The following LRP1B variants were observed in gnomAD, a reference collection of about 807,000 sequenced individuals.
LRP1B encodes the protein low-density lipoprotein receptor-related protein 1B.
LRP1B carries 217 observed loss-of-function variants against 556.6 expected under a neutral mutation model. That is an observed-to-expected ratio of 0.39 (90% CI 0.35 to 0.44). LRP1B has a LOEUF of 0.44. Ranked by LOEUF, LRP1B falls within the 20% of genes least tolerant of loss-of-function variation. The pLI, the probability that LRP1B is intolerant of heterozygous loss-of-function variation, is 1.00. For missense variants in LRP1B, 5,053 were observed against 5,620.8 expected (o/e 0.90, Z 3.23); for synonymous variants, 2,047 against 1,865.8 (o/e 1.10, Z -2.50).
At chr2:141,408,563 C>A (rs543196973) in intron 3 of LRP1B, among the ~76,000 whole-genome samples, 2 of 152,074 alleles carry the variant, frequency 1.3e-5, no homozygotes, top group East Asian at 3.9e-4. Context: ...AAAAATATTT[C>A]TCTAGAAATA....
intron 1 of LRP1B, among the ~76,000 whole-genome samples, chr2:142,100,535 C>T (rs987890438): frequency 2.6e-5 from 4 of 151,894 alleles, no homozygotes; most frequent in African/African-American, 9.7e-5. Context: ...TGACTGAAAT[C>T]AATTAATGCT....
intron 1 of LRP1B, among the ~76,000 whole-genome samples, chr2:141,871,614 G>A (rs1698589634): frequency 6.6e-6 from 1 of 151,956 alleles, no homozygotes; most frequent in African/African-American, 2.4e-5. Flanking sequence ...CAATCCCTGT[G>A]TTTGGCACAT....
At chr2:140,997,437 G>A (rs1425037636) in intron 15 of LRP1B, among the ~76,000 whole-genome samples, 1 of 151,614 alleles carries the variant, frequency 6.6e-6, no homozygotes, top group African/African-American at 2.4e-5. Flanking sequence ...CTCAGCTTCT[G>A]GACTCAAGAC....
intron 2 of LRP1B, among the ~76,000 whole-genome samples, chr2:141,632,318 A>G (rs933928356): frequency 4.6e-5 from 7 of 152,130 alleles, no homozygotes; most frequent in African/African-American, 7.2e-5. Flanking sequence ...GATATTTCCA[A>G]TTCCCTACCC....
chr2:140,854,769 A>G lies in LRP1B; in HGVS notation c.4580-2986T>C, dbSNP rs117917290. On this transcript the variant is annotated intron_variant, in intron 27 of 90. Transcript: ENST00000389484. ...ATTGAACAGCTTCAATAAAAACCAC[A>G]TGGCCCACAAAGCCTTATAATATGT... is the stretch of plus-strand genomic sequence containing the variant. 6.5e-4 allele frequency among the ~76,000 whole-genome samples: 99 copies of G among 152,314 alleles called. No homozygotes were observed. In the East Asian group the frequency reaches 0.015, roughly 24 times the overall value.
intron 1 of LRP1B, among the ~76,000 whole-genome samples, chr2:141,963,628 G>C (rs993161099): frequency 6.6e-6 from 1 of 151,518 alleles, no homozygotes; most frequent in Non-Finnish European, 1.5e-5. Context: ...CAAACCCACA[G>C]CCAACATCAT....
chr2:141,493,615 G>C (rs1483934260), intron 2 of LRP1B, among the ~76,000 whole-genome samples: 1 of 152,172 alleles, frequency 6.6e-6, no homozygotes, highest in Non-Finnish European at 1.5e-5. Flanking sequence ...CAGGCTGACA[G>C]GCAAATAGGT....
At chr2:141,663,925 A>G (rs1445237791) in intron 2 of LRP1B, among the ~76,000 whole-genome samples, 1 of 151,568 alleles carries the variant, frequency 6.6e-6, no homozygotes, top group African/African-American at 2.4e-5. Context: ...TACATCAAAA[A>G]AAAAAAAAAA....
At position 140,378,420 on chromosome 2, in the gene LRP1B, G is replaced by GA. The variant is rs550095349; in HGVS notation, c.10532-135dup. The stretch of plus-strand genomic sequence containing the variant: ...CAGACAGAACCAATATATTGTTTAG[G>GA]AAAAATCTCATGAAGCATCTATGGT... On this transcript the variant is annotated intron_variant, in intron 67 of 90. Transcript: ENST00000389484. The GA allele has an allele frequency of 3.4e-4, 189 of 563,018 alleles. 2 individuals carry two copies. The South Asian group carries it at 5.0e-3, about 15-fold the overall frequency. The allele number at this position is 563,018 out of a possible 1,614,324, so 34.9% of individuals were successfully genotyped here.
rs76880790 is a variant in LRP1B at position 140,677,310 on chromosome 2, A to T, written c.6799+22940T>A. On this transcript the variant is annotated intron_variant, in intron 41 of 90. Coordinates refer to ENST00000389484, the MANE Select transcript of LRP1B (RefSeq NM_018557.3). The stretch of plus-strand genomic sequence containing the variant: ...GAGTGAAAAGAGTCAGTGGGTATAG[A>T]TTACTTGTTCAACCTTGGTGGCAAT... 5.3e-3 allele frequency among the ~76,000 whole-genome samples: 810 copies of T among 152,312 alleles called. 7 individuals are homozygous for T. Among genetic ancestry groups the T allele is most frequent in the African/African-American group, 0.018 (762 of 41,562 alleles).
chr2:141,576,663 A>G (rs1159355652), intron 2 of LRP1B, among the ~76,000 whole-genome samples: 3 of 151,282 alleles, frequency 2.0e-5, no homozygotes, highest in Non-Finnish European at 4.4e-5. Context: ...CTGAGGAGAG[A>G]GAAAACCTTG....
At chr2:140,745,340 A>ATT (rs1688280573) in intron 35 of LRP1B, among the ~76,000 whole-genome samples, 1 of 152,168 alleles carries the variant, frequency 6.6e-6, no homozygotes, top group Non-Finnish European at 1.5e-5. Context: ...GTCAATTTCT[A>ATT]TTACTCAAAT....
intron 1 of LRP1B, among the ~76,000 whole-genome samples, chr2:142,069,466 C>T (rs1705231875): frequency 7.7e-6 from 1 of 129,540 alleles, no homozygotes; most frequent in South Asian, 2.8e-4. Context: ...TCCAAAGAGA[C>T]CTGACCAACA....
intron 2 of LRP1B, among the ~76,000 whole-genome samples, chr2:141,747,077 G>C (rs899559377): frequency 1.3e-5 from 2 of 152,182 alleles, no homozygotes; most frequent in African/African-American, 2.4e-5. Flanking sequence ...GCACAGCTGA[G>C]TCAGGCTAGA....
intron 55 of LRP1B, among the ~76,000 whole-genome samples, chr2:140,500,893 T>C (rs1204230120): frequency 6.6e-6 from 1 of 151,994 alleles, no homozygotes; most frequent in African/African-American, 2.4e-5. Context: ...CTGCCTGTGT[T>C]GTTTATACTA....
chr2:141,838,777 A>G (rs529173215), intron 1 of LRP1B, among the ~76,000 whole-genome samples: 1 of 152,332 alleles, frequency 6.6e-6, no homozygotes, highest in Non-Finnish European at 1.5e-5. Flanking sequence ...ACTCTTCAAA[A>G]GCATATAAAA....
chr2:140,565,184 TTA>T (rs1681079815), intron 43 of LRP1B, among the ~76,000 whole-genome samples: 2 of 150,904 alleles, frequency 1.3e-5, no homozygotes, highest in South Asian at 4.1e-4. Flanking sequence ...ATATTTTATT[TTA>T]TGACATATAT....
In LRP1B at chr2:140,464,197, A is replaced by T. The variant is rs552751232; in HGVS notation, c.9626-6546T>A. Among the ~76,000 whole-genome samples, 300 of 149,442 alleles carry T rather than the reference A, an allele frequency of 2.0e-3. 2 individuals are homozygous for T. Among genetic ancestry groups the T allele is most frequent in the Admixed American group, 4.1e-3 (62 of 15,108 alleles). Reference sequence around the variant, plus strand: ...GGTGACAGAGCAAGACTTGTCTCAAATAATAATAATAATAATAATAAATAA... The same window carrying T: ...GGTGACAGAGCAAGACTTGTCTCAATTAATAATAATAATAATAATAAATAA... On this transcript the variant is annotated intron_variant, in intron 60 of 90. Transcript: ENST00000389484.
chr2:140,867,616 A>G lies in LRP1B; in HGVS notation c.4553T>C (p.Ile1518Thr), dbSNP rs2105153310. The change falls in exon 27 of 91, where the codon ATA becomes ACA. Residue 1518 changes from isoleucine (I) to threonine (T), a missense_variant. Coordinates refer to ENST00000389484, the MANE Select transcript of LRP1B (RefSeq NM_018557.3). The part of the protein sequence containing the change: ...KTSAQPFDLQ[I>T]YHPSRQPQAP... Reference sequence around the variant, plus strand: ...CTGTGGCTGGCGACTGGGATGGTATATCTGAAGGTCAAATGGCTGTGCACT... The same window carrying G: ...CTGTGGCTGGCGACTGGGATGGTATGTCTGAAGGTCAAATGGCTGTGCACT... The G allele has an allele frequency of 6.2e-7, 1 of 1,613,098 alleles. No homozygotes were observed. Among genetic ancestry groups the G allele is most frequent in the Non-Finnish European group, 8.5e-7 (1 of 1,179,348 alleles).
Sources: gnomAD v4.1 joint callset for allele counts (sites outside exome capture counted in the v4.1 genomes callset) on GRCh38, gnomAD v4.1.1 for gene constraint, MANE v1.5 for transcripts, NCBI Gene and HGNC (gene_info 2026-07-23, HGNC 2026-07-21) for gene names.